KAZN: variants seen among roughly 807,000 people sequenced by gnomAD.
KAZN encodes the protein kazrin.
A neutral mutation model predicts 87.4 loss-of-function variants in KAZN; 40 were observed. The ratio of observed to expected loss-of-function variants is 0.46; its 90% CI spans 0.36 to 0.60. The LOEUF is 0.60. Ranked by LOEUF, KAZN falls within the 20% of genes least tolerant of loss-of-function variation. KAZN has a pLI of 0.00. For synonymous variants in KAZN, 466 were observed against 458.3 expected, an observed-to-expected ratio of 1.02 and a Z score of -0.22; for missense variants, 898 against 1,073.9, an observed-to-expected ratio of 0.84 and a Z score of 2.29.
intron 1 of KAZN, among the ~76,000 whole-genome samples, chr1:13,948,092 G>A (rs1056017830): frequency 1.3e-5 from 2 of 152,122 alleles, no homozygotes; most frequent in African/African-American, 4.8e-5. Flanking sequence ...TTTCATTTGA[G>A]GTAACAGTCA....
intron 1 of KAZN, among the ~76,000 whole-genome samples, chr1:14,764,506 C>G (rs1025941952): frequency 6.7e-6 from 1 of 149,766 alleles, no homozygotes; most frequent in Non-Finnish European, 1.5e-5. Context: ...TCTGCCCCCC[C>G]ATAGAACGTA....
At chr1:14,840,906 T>G (rs766003965) in intron 1 of KAZN, among the ~76,000 whole-genome samples, 1 of 152,150 alleles carries the variant, frequency 6.6e-6, no homozygotes, top group Non-Finnish European at 1.5e-5. Flanking sequence ...AAGGCCATAA[T>G]CACTTTCATA....
chr1:15,065,504 C>T, intron 7 of KAZN, 126 bp from the exon 8 acceptor site: 2 of 817,898 alleles, frequency 2.4e-6, no homozygotes, highest in Non-Finnish European at 4.0e-6. Context: ...CGTCCCTGAC[C>T]CCACTGGCTT....
rs907845610 is a variant in KAZN, at chr1:14,976,712, C to G, written c.418+15837C>G. On this transcript the variant is annotated intron_variant, in intron 2 of 14. Transcript: ENST00000376030. The stretch of plus-strand genomic sequence containing the variant: ...GCCGTCCTGGGACATGGACTCTCCC[C>G]CTGGGTGCCCAGCACTGGGCTGAAG... 6.6e-5 allele frequency among the ~76,000 whole-genome samples: 10 copies of G among 152,242 alleles called. No individual in the cohort carries two copies. In the East Asian group the frequency reaches 1.7e-3, roughly 27 times the overall value.
intron 1 of KAZN, among the ~76,000 whole-genome samples, chr1:13,933,019 C>A (rs1640585424): frequency 6.6e-6 from 1 of 152,050 alleles, no homozygotes. Flanking sequence ...TCCCTATTTC[C>A]CCGAATGTTA....
rs1649453948 is a variant in KAZN, at chr1:14,851,617, G to A, written c.227-109067G>A. 2.6e-5 allele frequency among the ~76,000 whole-genome samples: 4 copies of A among 152,346 alleles called. 1 individual carries two copies. In the South Asian group the frequency reaches 8.3e-4, roughly 32 times the overall value. On this transcript the variant is annotated intron_variant, in intron 1 of 14. Transcript: ENST00000376030. ...GTCAAAGCTAGGAGTGAGGCCTTCG[G>A]GGTTACCATGCTGGGGCACCTGGCT...
At chr1:13,965,479 T>G (rs373960820) in intron 1 of KAZN, among the ~76,000 whole-genome samples, 1 of 152,188 alleles carries the variant, frequency 6.6e-6, no homozygotes, top group African/African-American at 2.4e-5. Flanking sequence ...TGGGTGCTTT[T>G]AATAATTATT....
intron 8 of KAZN, among the ~76,000 whole-genome samples, chr1:15,080,219 G>T (rs180736737): frequency 6.6e-6 from 1 of 152,250 alleles, no homozygotes; most frequent in East Asian, 1.9e-4. Flanking sequence ...AAAATGAGGG[G>T]GCGCCCATGT....
chr1:15,108,156 C>T (rs1641360775), intron 13 of KAZN, among the ~76,000 whole-genome samples: 1 of 152,244 alleles, frequency 6.6e-6, no homozygotes, highest in African/African-American at 2.4e-5. Flanking sequence ...TGTCACCTGT[C>T]CCACCTCCTC....
At chr1:14,479,900 T>A (rs1386122819) in intron 2 of KAZN, among the ~76,000 whole-genome samples, 4 of 152,190 alleles carry the variant, frequency 2.6e-5, no homozygotes, top group African/African-American at 4.8e-5. Context: ...GTGGAGCATC[T>A]GTTCAAGATT....
At chr1:14,054,385 A>G (rs1237908302) in intron 1 of KAZN, among the ~76,000 whole-genome samples, 2 of 152,246 alleles carry the variant, frequency 1.3e-5, no homozygotes, top group Non-Finnish European at 1.5e-5. Context: ...CAGCTCCACA[A>G]GAACCTCCCT....
chr1:14,787,532 G>C (rs898308278), intron 1 of KAZN, among the ~76,000 whole-genome samples: 4 of 152,228 alleles, frequency 2.6e-5, no homozygotes, highest in African/African-American at 9.7e-5. Context: ...AGGATTAAAT[G>C]TTTGAACAAA....
intron 1 of KAZN, among the ~76,000 whole-genome samples, chr1:14,740,102 C>T (rs915019441): frequency 6.6e-6 from 1 of 152,104 alleles, no homozygotes; most frequent in Non-Finnish European, 1.5e-5. Flanking sequence ...GTGGATCAGA[C>T]CCAAGCCGAG....
intron 1 of KAZN, among the ~76,000 whole-genome samples, chr1:14,840,569 G>A (rs746076351): frequency 9.9e-5 from 15 of 152,216 alleles, no homozygotes; most frequent in African/African-American, 2.2e-4. Context: ...TGATAGAGGC[G>A]CTTTGGGCGT....
intron 1 of KAZN, among the ~76,000 whole-genome samples, chr1:14,813,965 G>A (rs957816544): frequency 1.3e-5 from 2 of 152,212 alleles, no homozygotes; most frequent in Non-Finnish European, 2.9e-5. Flanking sequence ...GTCCCGCTGG[G>A]ATGAGCTTAC....
intron 1 of KAZN, among the ~76,000 whole-genome samples, chr1:14,960,062 G>A (rs184353023): frequency 6.6e-6 from 1 of 152,306 alleles, no homozygotes; most frequent in East Asian, 1.9e-4. Flanking sequence ...AGGTGCAAAT[G>A]CACAAGTTCT....
intron 2 of KAZN, among the ~76,000 whole-genome samples, chr1:14,556,513 C>T (rs1019363931): frequency 6.6e-6 from 1 of 152,082 alleles, no homozygotes; most frequent in Non-Finnish European, 1.5e-5. Context: ...AAATTTGTGT[C>T]TTCAAGCCAA....
intron 8 of KAZN, among the ~76,000 whole-genome samples, chr1:15,076,251 G>C (rs1240922281): frequency 6.6e-6 from 1 of 152,236 alleles, no homozygotes; most frequent in Non-Finnish European, 1.5e-5. Context: ...CAGCTTGAGT[G>C]TGTGAGCCAA....
intron 1 of KAZN, among the ~76,000 whole-genome samples, chr1:13,962,192 G>A (rs1324453787): frequency 6.6e-6 from 1 of 152,146 alleles, no homozygotes; most frequent in African/African-American, 2.4e-5. Context: ...CTGTGCCGGG[G>A]CTCTGGGCTG....
Sources: gnomAD v4.1 joint callset for allele counts (sites outside exome capture counted in the v4.1 genomes callset) on GRCh38, gnomAD v4.1.1 for gene constraint, MANE v1.5 for transcripts, NCBI Gene and HGNC (gene_info 2026-07-23, HGNC 2026-07-21) for gene names.